MICAL2: variants seen among roughly 807,000 people sequenced by gnomAD.
The protein encoded by MICAL2 is [F-actin]-monooxygenase MICAL2.
In MICAL2, 77 loss-of-function variants were observed where a neutral mutation model predicts 127.3. That is an observed-to-expected ratio of 0.60 (90% CI 0.50 to 0.73). The LOEUF (loss-of-function observed/expected upper bound fraction) is 0.73. Among genes scored for constraint, MICAL2 ranks in the 30% least tolerant of loss-of-function variants. The probability of loss-of-function intolerance (pLI) is 0.00; values close to 1 mark genes in which losing one functional copy is unlikely to be tolerated. For missense variants in MICAL2, 1,351 were observed against 1,434.4 expected (o/e 0.94, Z 0.94); for synonymous variants, 570 against 551.1 (o/e 1.03, Z -0.48).
chr11:12,125,189 G>C (rs1488995922), intron 1 of MICAL2, among the ~76,000 whole-genome samples: 3 of 152,212 alleles, frequency 2.0e-5, no homozygotes, highest in African/African-American at 7.2e-5. Context: ...CTATGCCTTA[G>C]TTCTTCCCTT....
At chr11:12,284,798 C>T (rs1313478395) in intron 2 of MICAL2, among the ~76,000 whole-genome samples, 3 of 152,084 alleles carry the variant, frequency 2.0e-5, no homozygotes, top group Non-Finnish European at 2.9e-5. Flanking sequence ...ACTGTGTGCC[C>T]ATCCATACAG....
chr11:12,235,661 T>C (rs1015273454), intron 15 of MICAL2, among the ~76,000 whole-genome samples: 3 of 152,172 alleles, frequency 2.0e-5, no homozygotes, highest in African/African-American at 4.8e-5. Context: ...GGCAGCTCAT[T>C]TGAGCCCTGA....
At chr11:12,300,462 A>T (rs995682633) in intron 29 of MICAL2, among the ~76,000 whole-genome samples, 1 of 152,230 alleles carries the variant, frequency 6.6e-6, no homozygotes, top group East Asian at 1.9e-4. Flanking sequence ...TAACTCAATC[A>T]GATGAGCCCT....
intron 2 of MICAL2, among the ~76,000 whole-genome samples, chr11:12,286,532 T>C (rs575871863): frequency 5.1e-4 from 78 of 152,324 alleles, no homozygotes; most frequent in African/African-American, 1.9e-3. Context: ...GGTTCATAAT[T>C]TGAGGCATTC....
In MICAL2 at chr11:12,244,072, C is replaced by G; in HGVS notation, c.2744C>G (p.Ser915Cys). Residue 915 changes from serine to cysteine, a missense_variant, in exon 21 of 28, where the codon TCC (serine) becomes TGC (cysteine). This residue lies in a region of MICAL2 where 752 missense variants were observed against 719.4 expected (regional missense o/e 1.05). Transcript: ENST00000683283. ...RLPSPDPAAS[S>C]SPSTVDSASP... ...CCGTCTCCTGATCCAGCTGCTTCTT[C>G]CTCTCCATCAACTGTTGACTCTGCT... The G allele has an allele frequency of 6.2e-7, 1 of 1,614,264 alleles. No individual in the cohort carries two copies. The highest frequency in any genetic ancestry group is 1.1e-5 in the South Asian group (1 of 91,088).
Position 12,309,482 on chromosome 11 carries a change from T to C in MICAL2, c.5213-10214T>C, listed in dbSNP as rs187937478. Among the ~76,000 whole-genome samples the C allele has an allele frequency of 2.1e-3, 318 of 152,296 alleles. 2 individuals are homozygous for C. Among genetic ancestry groups the C allele is most frequent in the African/African-American group, 7.6e-3 (315 of 41,570 alleles). On this transcript the variant is annotated intron_variant, in intron 29 of 34. Coordinates refer to the MICAL2 transcript ENST00000646065. ...TCACTTAACATAATGACCTTCAGTT[T>C]CATCCATGTTGAGGCAAATGACAAG... is the stretch of plus-strand genomic sequence containing the variant.
chr11:12,276,537 G>C (rs1283960037), intron 1 of MICAL2: 1 of 162,246 alleles, frequency 6.2e-6, no homozygotes, highest in African/African-American at 2.4e-5. Context: ...GCAAGATGGT[G>C]ATGCATGGGG....
At chr11:12,161,949 G>T in intron 2 of MICAL2, 130 bp from the exon 3 acceptor site, 1 of 627,918 alleles carries the variant, frequency 1.6e-6, no homozygotes. Context: ...TTTATGTTTA[G>T]TATTGAACAC....
intron 29 of MICAL2, among the ~76,000 whole-genome samples, chr11:12,305,324 T>A (rs556396816): frequency 7.2e-5 from 11 of 152,212 alleles, no homozygotes; most frequent in African/African-American, 2.6e-4. Context: ...AACCATCATA[T>A]CTCGTGAGAA....
At chr11:12,354,770 A>G in intron 33 of MICAL2, 1 of 1,613,058 alleles carries the variant, frequency 6.2e-7, no homozygotes. Flanking sequence ...AAATTTGAAC[A>G]TTTTCTCACC....
Position 12,110,674 on chromosome 11 carries a change from G to C in MICAL2, c.-201G>C, listed in dbSNP as rs1390891046. On this transcript the variant is annotated 5_prime_UTR_variant, in exon 1 of 28. Coordinates refer to ENST00000683283, the MANE Select transcript of MICAL2 (RefSeq NM_001282663.2). This position sits in a 1 kb window ranked among gnomAD's most constrained non-coding sequence, Gnocchi z 4.5. ...CGCGGGGCCCGATCGCTGCGCCCGC[G>C]GCCAGGGCCGAGGCAGGCCTGACCC... 1.3e-5 allele frequency: 2 copies of C among 151,622 alleles called. No homozygotes were observed. The highest frequency in any genetic ancestry group is 6.6e-5 in the Admixed American group (1 of 15,246). The allele number at this position is 151,622 out of a possible 1,614,324, so 9.4% of individuals were successfully genotyped here. A position where few individuals can be genotyped will look rare whatever the true frequency, so the allele number is the denominator to read the frequency against.
At chr11:12,180,349 A>ATATATATATATATATATATATT (rs11403732) in intron 3 of MICAL2, among the ~76,000 whole-genome samples, 3 of 139,678 alleles carry the variant, frequency 2.1e-5, no homozygotes, top group African/African-American at 5.3e-5. Context: ...ATATGTATAT[A>ATATATATATATATATATATATT]TTTTTTTTTT....
At chr11:12,301,780 C>T (rs1565299164) in intron 29 of MICAL2, among the ~76,000 whole-genome samples, 1 of 152,148 alleles carries the variant, frequency 6.6e-6, no homozygotes, top group Non-Finnish European at 1.5e-5. Context: ...TGGCAGTTAA[C>T]AAAGTCAGAA....
rs1366116234 is a variant in MICAL2 at position 12,204,388 on chromosome 11, C to A, written c.403C>A (p.His135Asn). 10 of 1,612,504 alleles carry A rather than the reference C, an allele frequency of 6.2e-6. No individual in the cohort carries two copies. The highest frequency in any genetic ancestry group is 1.3e-5 in the African/African-American group (1 of 74,824). Reference sequence around the variant, plus strand: ...GCTACACCTCTGGCCTTTCACCATCCATGACCTTCGTGGCCTGGGAGCCAA... The same window carrying A: ...GCTACACCTCTGGCCTTTCACCATCAATGACCTTCGTGGCCTGGGAGCCAA... ...NVLHLWPFTI[H>N]DLRGLGAKKF... Residue 135 changes from histidine to asparagine, a missense_variant, in exon 4 of 28, where the codon CAT (histidine) becomes AAT (asparagine). By Grantham distance (68) the His-to-Asn change is moderately conservative. This residue lies in a region of MICAL2 where 599 missense variants were observed against 714.9 expected (regional missense o/e 0.84). Transcript: ENST00000683283.
intron 9 of MICAL2, 134 bp from the exon 10 acceptor site, chr11:12,221,510 G>T (rs1554986570): frequency 1.8e-6 from 1 of 570,362 alleles, no homozygotes; most frequent in Non-Finnish European, 3.2e-6. Context: ...TAGGTAGCAG[G>T]GTCCCTGCCC....
At chr11:12,329,656 A>G (rs550812026) in intron 32 of MICAL2, among the ~76,000 whole-genome samples, 1 of 152,312 alleles carries the variant, frequency 6.6e-6, no homozygotes, top group South Asian at 2.1e-4. Context: ...GAGAATTAGA[A>G]GTGTTGATAG....
At chr11:12,196,863 A>G (rs1249141483) in intron 3 of MICAL2, among the ~76,000 whole-genome samples, 1 of 151,658 alleles carries the variant, frequency 6.6e-6, no homozygotes, top group Non-Finnish European at 1.5e-5. Context: ...CCTGACCCTC[A>G]CTTCACTGGC....
chr11:12,210,928 G>A (rs1855375089), intron 6 of MICAL2, among the ~76,000 whole-genome samples: 1 of 152,160 alleles, frequency 6.6e-6, no homozygotes, highest in Non-Finnish European at 1.5e-5. Context: ...AGCACCCCCA[G>A]GTGCGACAAC....
At chr11:12,325,862 G>A (rs966320175) in intron 31 of MICAL2, among the ~76,000 whole-genome samples, 1 of 152,214 alleles carries the variant, frequency 6.6e-6, no homozygotes, top group African/African-American at 2.4e-5. Context: ...ACAGTGATCA[G>A]CAATAAAGCC....
Sources: gnomAD v4.1 joint callset for allele counts (sites outside exome capture counted in the v4.1 genomes callset) on GRCh38, gnomAD v4.1.1 for gene constraint, gnomAD v4.1.1 regional missense constraint, Gnocchi (gnomAD v3.1) non-coding constraint, MANE v1.5 for transcripts, NCBI Gene and HGNC (gene_info 2026-07-23, HGNC 2026-07-21) for gene names.